NTM: variants seen among roughly 807,000 people sequenced by gnomAD.
The protein encoded by NTM is IgLON family member 2.
In NTM, 13 loss-of-function variants were observed where a neutral mutation model predicts 42.1. The observed-to-expected ratio is 0.31, with a 90% CI of 0.20 to 0.49. NTM has a LOEUF of 0.49. Ranked by LOEUF, NTM falls within the 20% of genes least tolerant of loss-of-function variation. The pLI is 0.99. For missense variants in NTM, 373 were observed against 452.8 expected (o/e 0.82, Z 1.60); for synonymous variants, 187 against 179.2 (o/e 1.04, Z -0.35).
chr11:132,037,149 C>T (rs997722190), intron 2 of NTM, among the ~76,000 whole-genome samples: 5 of 152,092 alleles, frequency 3.3e-5, no homozygotes, highest in African/African-American at 1.2e-4. Context: ...GGATGGATCC[C>T]TCATGAATAG....
chr11:132,088,025 A>C (rs1231207223), intron 2 of NTM, among the ~76,000 whole-genome samples: 2 of 152,212 alleles, frequency 1.3e-5, no homozygotes, highest in Non-Finnish European at 2.9e-5. Flanking sequence ...TGCAGTGGAC[A>C]CAGCCATGCA....
intron 2 of NTM, among the ~76,000 whole-genome samples, chr11:132,088,128 C>T (rs558372281): frequency 6.6e-6 from 1 of 152,118 alleles, no homozygotes; most frequent in Non-Finnish European, 1.5e-5. Context: ...GTGGAACACC[C>T]CCAATATTGT....
intron 3 of NTM, among the ~76,000 whole-genome samples, chr11:132,172,284 A>T (rs2076219048): frequency 6.6e-6 from 1 of 152,222 alleles, no homozygotes; most frequent in Admixed American, 6.5e-5. Context: ...TCATACAGAG[A>T]TGTTTGATAA....
At chr11:131,928,197 C>G (rs1180779731) in intron 2 of NTM, among the ~76,000 whole-genome samples, 2 of 152,090 alleles carry the variant, frequency 1.3e-5, no homozygotes, top group Admixed American at 1.3e-4. Context: ...AAATGCTTTA[C>G]AAGGGTTACC....
At chr11:131,866,119 CAT>C (rs990619560) in intron 1 of NTM, among the ~76,000 whole-genome samples, 1 of 151,928 alleles carries the variant, frequency 6.6e-6, no homozygotes. Context: ...GCTGCACACA[CAT>C]GCCTCACATA....
At chr11:131,688,143 C>T (rs2074151287) in intron 1 of NTM, among the ~76,000 whole-genome samples, 1 of 152,206 alleles carries the variant, frequency 6.6e-6, no homozygotes, top group Admixed American at 6.5e-5. Context: ...CGGGGGCGCG[C>T]CTGCAGCTCC....
chr11:131,823,240 T>C (rs1275089702), intron 1 of NTM, among the ~76,000 whole-genome samples: 2 of 152,292 alleles, frequency 1.3e-5, no homozygotes, highest in East Asian at 3.9e-4. Context: ...TTCCCTAACA[T>C]TGGTCAAAAG....
chr11:132,177,206 A>G (rs1228351685), intron 3 of NTM, among the ~76,000 whole-genome samples: 2 of 152,254 alleles, frequency 1.3e-5, no homozygotes, highest in Non-Finnish European at 2.9e-5. Flanking sequence ...GATTTATTAA[A>G]GACATTACAA....
chr11:131,599,019 C>T (rs75269996), intron 1 of NTM, among the ~76,000 whole-genome samples: 64,223 of 151,112 alleles, frequency 0.43, 15,780 homozygotes, highest in East Asian at 0.6. Context: ...GTTCAAGCAA[C>T]TCTCTTGCCT....
chr11:131,459,736 T>C (rs1241203215), intron 1 of NTM, among the ~76,000 whole-genome samples: 14 of 152,174 alleles, frequency 9.2e-5, no homozygotes, highest in Admixed American at 9.2e-4. Flanking sequence ...TGTTGAGTAG[T>C]GGGTCTGTGT....
intron 2 of NTM, among the ~76,000 whole-genome samples, chr11:131,915,279 C>T (rs776523067): frequency 4.6e-5 from 7 of 152,286 alleles, no homozygotes; most frequent in Middle Eastern, 3.4e-3. Flanking sequence ...CCTTTGGATT[C>T]GTGTTCCTCT....
intron 3 of NTM, among the ~76,000 whole-genome samples, chr11:132,196,015 T>A (rs2080151374): frequency 6.6e-6 from 1 of 152,120 alleles, no homozygotes; most frequent in East Asian, 1.9e-4. Context: ...ACCGACAACC[T>A]ATGGAATGGA....
chr11:132,205,635 G>C (rs1002277684), intron 3 of NTM, among the ~76,000 whole-genome samples: 5 of 152,046 alleles, frequency 3.3e-5, no homozygotes. Context: ...TCTAGATTCA[G>C]CTCTCAGAAG....
At chr11:132,074,233 A>T (rs1003104807) in intron 2 of NTM, among the ~76,000 whole-genome samples, 1 of 152,226 alleles carries the variant, frequency 6.6e-6, no homozygotes, top group Non-Finnish European at 1.5e-5. Context: ...CTTACAGGCC[A>T]TTGGACACTG....
intron 1 of NTM, among the ~76,000 whole-genome samples, chr11:131,448,014 C>T (rs1192242879): frequency 1.6e-4 from 25 of 152,234 alleles, no homozygotes; most frequent in Non-Finnish European, 1.5e-5. Flanking sequence ...GAAAGCTGGA[C>T]CTGGTGGCTT....
chr11:132,141,362 G>A (rs1322908441), intron 2 of NTM, among the ~76,000 whole-genome samples: 1 of 151,644 alleles, frequency 6.6e-6, no homozygotes, highest in Non-Finnish European at 1.5e-5. Flanking sequence ...CTATTTCTGC[G>A]GTGCACATCT....
chr11:131,911,116 C>T (rs1454396052), intron 1 of NTM: 2 of 1,219,582 alleles, frequency 1.6e-6, no homozygotes, highest in Non-Finnish European at 2.1e-6. Context: ...TTACTCCTCT[C>T]CAAAGTGCCG....
chr11:131,849,787 C>T lies in NTM; in HGVS notation c.83-61777C>T, dbSNP rs183194397. On this transcript the variant is annotated intron_variant, in intron 1 of 8. Transcript: ENST00000683400. The stretch of plus-strand genomic sequence containing the variant: ...GTTAAGACCTGAGAATACATGGACA[C>T]AGGAAGGGGAACATCACACACCGGG... Among the ~76,000 whole-genome samples the T allele has an allele frequency of 7.1e-3, 989 of 139,798 alleles. 7 individuals are homozygous for T. The highest frequency in any genetic ancestry group is 0.011 in the Non-Finnish European group (707 of 66,664). The allele number at this position is 139,798 out of a possible 152,430, so 91.7% of individuals were successfully genotyped here.
chr11:131,494,905 C>T (rs1487782631), intron 1 of NTM, among the ~76,000 whole-genome samples: 1 of 152,200 alleles, frequency 6.6e-6, no homozygotes, highest in African/African-American at 2.4e-5. Context: ...TCCCTCTCTT[C>T]CTCCCAAGTC....
Sources: allele counts gnomAD v4.1 joint callset (sites outside exome capture counted in the v4.1 genomes callset), GRCh38; gene constraint gnomAD v4.1.1; transcripts MANE v1.5; gene names NCBI Gene and HGNC (gene_info 2026-07-23, HGNC 2026-07-21).